The following PCDHA3 variants were observed in gnomAD, a reference collection of about 807,000 sequenced individuals.
PCDHA3 encodes protocadherin alpha-3.
In PCDHA3, 41 loss-of-function variants were observed where a neutral mutation model predicts 62.2. The ratio of observed to expected loss-of-function variants is 0.66; its 90% CI spans 0.51 to 0.86. PCDHA3 has a LOEUF of 0.86. PCDHA3 is among the 40% of genes least tolerant of loss of function. The pLI, the probability that PCDHA3 is intolerant of heterozygous loss-of-function variation, is 0.00. For synonymous variants in PCDHA3, 640 were observed against 555.4 expected, an observed-to-expected ratio of 1.15 and a Z score of -2.14; for missense variants, 1,304 against 1,241.2, an observed-to-expected ratio of 1.05 and a Z score of -0.76.
intron 1 of PCDHA3, chr5:140,807,989 G>A: frequency 6.2e-7 from 1 of 1,613,702 alleles, no homozygotes; most frequent in Non-Finnish European, 8.5e-7. Context: ...TAACGCCTCA[G>A]ATTTAGACGA....
intron 1 of PCDHA3, chr5:140,828,637 G>GA: frequency 1.9e-6 from 3 of 1,614,174 alleles, no homozygotes; most frequent in Non-Finnish European, 1.7e-6. Flanking sequence ...GGCTAGATGT[G>GA]AAAATAAACA....
chr5:140,805,901 G>T (rs1763649700), intron 1 of PCDHA3, among the ~76,000 whole-genome samples: 1 of 152,052 alleles, frequency 6.6e-6, no homozygotes, highest in Non-Finnish European at 1.5e-5. Flanking sequence ...AACATTTTCT[G>T]CAGGGTAAAT....
At chr5:140,841,678 G>T (rs1451404263) in intron 1 of PCDHA3, 5 of 1,613,862 alleles carry the variant, frequency 3.1e-6, no homozygotes, top group Middle Eastern at 1.6e-4. Flanking sequence ...TTTTCCATGT[G>T]GACGTGGAGG....
chr5:140,829,648 G>T, intron 1 of PCDHA3: 1 of 1,612,362 alleles, frequency 6.2e-7, no homozygotes. Context: ...AGGTGTACGC[G>T]CTGCAGCCGC....
chr5:140,955,284 T>C (rs1207930664), intron 1 of PCDHA3, among the ~76,000 whole-genome samples: 1 of 152,170 alleles, frequency 6.6e-6, no homozygotes, highest in African/African-American at 2.4e-5. Context: ...CATATTGATA[T>C]GGTTTGGCTG....
At position 140,811,844 on chromosome 5, in the gene PCDHA3, G is replaced by GT. The variant is rs1299388678; in HGVS notation, c.2394+8259dup. On this transcript the variant is annotated intron_variant, in intron 1 of 3. Coordinates refer to ENST00000522353, the MANE Select transcript of PCDHA3 (RefSeq NM_018906.3). ...TATCCTTTGCCCACTTTTTGATAGG[G>GT]TTTTTTGTTTTTTTCTTGTAAATGT... 1.2e-4 allele frequency: 18 copies of GT among 152,224 alleles called. No homozygotes were observed. In the East Asian group the frequency reaches 3.3e-3, roughly 28 times the overall value. 9.4% of individuals were successfully genotyped at this position (152,224 alleles called of 1,614,324 possible).
Position 141,012,131 on chromosome 5 carries a change from G to A in PCDHA3, c.*2194G>A, listed in dbSNP as rs1214098938. The A allele has an allele frequency of 1.3e-5, 2 of 153,688 alleles. No individual in the cohort carries two copies. The highest frequency in any genetic ancestry group is 2.9e-5 in the Non-Finnish European group (2 of 68,026). 9.5% of individuals were successfully genotyped at this position (153,688 alleles called of 1,614,324 possible). A position where few individuals can be genotyped will look rare whatever the true frequency, so the allele number is the denominator to read the frequency against. ...CTGAAGCCCATGTATCTGACCTTAC[G>A]TGCCTTTTGAACTAGGAGAATCGGG... On this transcript the variant is annotated 3_prime_UTR_variant, in exon 4 of 4. Transcript: ENST00000522353.
intron 1 of PCDHA3, chr5:140,827,970 C>A (rs1398838770): frequency 2.2e-6 from 3 of 1,380,228 alleles, no homozygotes; most frequent in Non-Finnish European, 3.0e-6. Flanking sequence ...ATTACTGCAT[C>A]ATTCCCTGAC....
Position 140,801,064 on chromosome 5 carries a change from A to T in PCDHA3, c.-134A>T. The T allele has an allele frequency of 6.9e-7, 1 of 1,459,300 alleles. No individual in the cohort carries two copies. The highest frequency in any genetic ancestry group is 2.7e-5 in the Admixed American group (1 of 37,014). The allele number at this position is 1,459,300 out of a possible 1,614,324, so 90.4% of individuals were successfully genotyped here. ...AAAGAAATAACAGCGTGCATTACGTATTCAGATACTGCTTTGCTTCATCCT... is the reference window on the plus strand; with the variant it reads ...AAAGAAATAACAGCGTGCATTACGTTTTCAGATACTGCTTTGCTTCATCCT... On this transcript the variant is annotated 5_prime_UTR_variant, in exon 1 of 4. Transcript: ENST00000522353.
intron 1 of PCDHA3, among the ~76,000 whole-genome samples, chr5:140,916,184 A>C (rs1554197322): frequency 6.6e-6 from 1 of 152,092 alleles, no homozygotes. Context: ...CTCTTCAAGG[A>C]AGTGGGCACC....
chr5:140,884,609 G>C (rs1554181782), intron 1 of PCDHA3: 4 of 1,614,138 alleles, frequency 2.5e-6, no homozygotes, highest in African/African-American at 1.3e-5. Flanking sequence ...TCCTTGTCTG[G>C]GTTCTGCAGA....
At chr5:140,895,080 C>T (rs537991545) in intron 1 of PCDHA3, among the ~76,000 whole-genome samples, 11 of 152,246 alleles carry the variant, frequency 7.2e-5, no homozygotes, top group Admixed American at 1.3e-4. Context: ...CTATCAGTTC[C>T]TCCTCAGTAT....
chr5:140,813,047 T>C (rs1334084889), intron 1 of PCDHA3: 1 of 152,224 alleles, frequency 6.6e-6, no homozygotes, highest in African/African-American at 2.4e-5. Context: ...AAGACTTGTT[T>C]TGTGACCTGA....
At chr5:140,862,635 C>G in intron 1 of PCDHA3, 1 of 538,778 alleles carries the variant, frequency 1.9e-6, no homozygotes, top group Non-Finnish European at 3.8e-6. Context: ...GCTGCCACGA[C>G]TTCACAGTGT....
intron 1 of PCDHA3, among the ~76,000 whole-genome samples, chr5:140,940,808 T>C (rs781904662): frequency 3.3e-5 from 5 of 152,232 alleles, no homozygotes; most frequent in Non-Finnish European, 7.3e-5. Context: ...TGCCAGGATA[T>C]CCTGAGATCT....
intron 1 of PCDHA3, chr5:140,823,086 C>A (rs377181493): frequency 1.2e-6 from 2 of 1,613,884 alleles, no homozygotes; most frequent in African/African-American, 2.7e-5. Context: ...TGTGGGCCAC[C>A]GCCAGCGTGT....
intron 1 of PCDHA3, chr5:140,859,517 T>A (rs1364411363): frequency 5.1e-6 from 1 of 195,368 alleles, no homozygotes; most frequent in Admixed American, 5.8e-5. Flanking sequence ...ATGATTTCAT[T>A]TTTAAAAAAA....
At chr5:140,876,292 A>G in intron 1 of PCDHA3, 1 of 1,614,080 alleles carries the variant, frequency 6.2e-7, no homozygotes, top group Non-Finnish European at 8.5e-7. Context: ...CGAAGGACTT[A>G]ATGGAGAAAT....
At chr5:140,856,240 G>A in intron 1 of PCDHA3, 1 of 1,598,050 alleles carries the variant, frequency 6.3e-7, no homozygotes, top group Non-Finnish European at 8.6e-7. Flanking sequence ...GCCTGTTCCG[G>A]GTGGCGTCCA....
Sources: gnomAD v4.1 joint callset for allele counts (sites outside exome capture counted in the v4.1 genomes callset) on GRCh38, gnomAD v4.1.1 for gene constraint, MANE v1.5 for transcripts, NCBI Gene and HGNC (gene_info 2026-07-23, HGNC 2026-07-21) for gene names.